Variants in NUP210 observed in about 807,000 individuals in gnomAD.
NUP210 encodes nuclear pore membrane glycoprotein 210.
A neutral mutation model predicts 196.0 loss-of-function variants in NUP210; 151 were observed. The ratio of observed to expected loss-of-function variants is 0.77; its 90% CI spans 0.67 to 0.88. The LOEUF is 0.88. NUP210 is among the 40% of genes least tolerant of loss of function. The pLI is 0.00. For synonymous variants in NUP210, 1,070 were observed against 1,052.7 expected (o/e 1.02, Z -0.32); for missense variants, 2,314 against 2,493.7 (o/e 0.93, Z 1.53).
At chr3:13,372,096 G>A (rs954407507) in intron 12 of NUP210, 64 bp from the exon 13 acceptor site, 25 of 1,412,870 alleles carry the variant, frequency 1.8e-5, no homozygotes, top group East Asian at 2.5e-5. Flanking sequence ...CCTGTTGCTC[G>A]GATATCCTAA....
At chr3:13,405,437 T>C (rs1699973970) in intron 1 of NUP210, among the ~76,000 whole-genome samples, 1 of 152,178 alleles carries the variant, frequency 6.6e-6, no homozygotes. Flanking sequence ...TTAGGACTTG[T>C]CAGCCTCTAT....
In NUP210 at chr3:13,379,619, G is replaced by A. The variant is rs761761810; in HGVS notation, c.920C>T (p.Thr307Met). 18 of 1,613,984 alleles carry A rather than the reference G, an allele frequency of 1.1e-5. No individual in the cohort carries two copies. In the African/African-American group the frequency reaches 1.7e-4, roughly 16 times the overall value. Residue 307 changes from threonine to methionine, a missense_variant, in exon 7 of 40, where the codon ACG becomes ATG. By Grantham distance (81) the Thr-to-Met change is moderately conservative (BLOSUM62 -1). Transcript: ENST00000254508. The surrounding 1 kb of genome is among the most constrained non-coding windows in gnomAD (Gnocchi z 4.2). Reference protein sequence around the residue: ...ARPVAVLAQDTSMVTALQLGQ... With the variant: ...ARPVAVLAQDMSMVTALQLGQ... ...CAGCTGCAGTGCAGTGACCATCGAC[G>A]TGTCCTGGGCCAAGACAGCCACCGG...
At chr3:13,367,411 G>C (rs1460638430) in intron 13 of NUP210, among the ~76,000 whole-genome samples, 1 of 152,184 alleles carries the variant, frequency 6.6e-6, no homozygotes, top group Non-Finnish European at 1.5e-5. Context: ...CTCCCACGTA[G>C]GCAACGAGGG....
chr3:13,319,243 C>G lies in NUP210; in HGVS notation c.5466G>C (p.Ala1822=), dbSNP rs777613080. 1.9e-6 allele frequency: 3 copies of G among 1,613,134 alleles called. No homozygotes were observed. Among genetic ancestry groups the G allele is most frequent in the South Asian group, 1.1e-5 (1 of 90,786 alleles). The change falls in exon 38 of 40, where the codon GCG becomes GCC. Residue 1822 remains alanine, a synonymous_variant. Coordinates refer to ENST00000254508, the MANE Select transcript of NUP210 (RefSeq NM_024923.4). ...FTLFALLAGT[A]VMIIAYHTVC... is the part of the protein sequence containing the mutation. ...CAGCCTCCTCACCTATGATCATGAC[C>G]GCTGTCCCAGCCAACAGGGCGAAGA... is the stretch of plus-strand genomic sequence containing the variant.
intron 15 of NUP210, among the ~76,000 whole-genome samples, chr3:13,359,234 C>G (rs1392513173): frequency 6.6e-6 from 1 of 152,160 alleles, no homozygotes; most frequent in Non-Finnish European, 1.5e-5. Context: ...AGAGGTAACC[C>G]CAATTGGAGG....
intron 27 of NUP210, among the ~76,000 whole-genome samples, chr3:13,335,912 C>T (rs1482983868): frequency 6.6e-6 from 1 of 152,240 alleles, no homozygotes; most frequent in Non-Finnish European, 1.5e-5. Context: ...GACAGGATGT[C>T]CCTCAGACTT....
chr3:13,386,516 A>G, intron 5 of NUP210, 109 bp from the exon 6 acceptor site: 1 of 1,367,222 alleles, frequency 7.3e-7, no homozygotes. Context: ...GGAAGTTAAG[A>G]GGAAAGAAAC....
chr3:13,335,111 G>A (rs1026598542), intron 28 of NUP210, among the ~76,000 whole-genome samples: 3 of 152,222 alleles, frequency 2.0e-5, no homozygotes, highest in Non-Finnish European at 2.9e-5. Context: ...AAACACAAAC[G>A]ATTAAATTAT....
intron 30 of NUP210, 82 bp downstream of exon 30, chr3:13,330,378 T>C: frequency 2.3e-6 from 3 of 1,299,054 alleles, no homozygotes; most frequent in South Asian, 2.8e-5. Flanking sequence ...AAGGTGAACG[T>C]ATTCACTTTT....
intron 1 of NUP210, among the ~76,000 whole-genome samples, chr3:13,408,704 C>T (rs532744388): frequency 6.8e-4 from 102 of 149,022 alleles, no homozygotes; most frequent in African/African-American, 2.5e-3. Context: ...AGGAGAATCG[C>T]TTGAACTCAG....
chr3:13,356,755 C>T (rs548477605), intron 16 of NUP210, among the ~76,000 whole-genome samples: 1 of 152,346 alleles, frequency 6.6e-6, no homozygotes, highest in East Asian at 1.9e-4. Context: ...ACAGCTACTC[C>T]GTGTTTGAGG....
At position 13,379,223 on chromosome 3, in the gene NUP210, A is replaced by G. The variant is rs770471506; in HGVS notation, c.977-243T>C. On this transcript the variant is annotated intron_variant, in intron 7 of 39. Coordinates refer to ENST00000254508, the MANE Select transcript of NUP210 (RefSeq NM_024923.4). The surrounding 1 kb of genome is among the most constrained non-coding windows in gnomAD (Gnocchi z 4.2). ...GGACACTGGAGACCGCACAGGACAC[A>G]ACAACAAGTCTGGGGCATCAACACT... 6.6e-6 allele frequency among the ~76,000 whole-genome samples: 1 copy of G among 152,194 alleles called. No homozygotes were observed. The highest frequency in any genetic ancestry group is 2.4e-5 in the African/African-American group (1 of 41,458).
At position 13,397,395 on chromosome 3, in the gene NUP210, G is replaced by T. The variant is rs756427105; in HGVS notation, c.398C>A (p.Ser133Tyr). The change falls in exon 3 of 40, where the codon TCC (serine) becomes TAC (tyrosine). Residue 133 changes from serine to tyrosine, a missense_variant. By Grantham distance (144) the Ser-to-Tyr change is moderately radical. Coordinates refer to ENST00000254508, the MANE Select transcript of NUP210 (RefSeq NM_024923.4). ...STTRELYLED[S>Y]PLELKIQALD... is the part of the protein sequence containing the mutation. ...GGCCTGGATCTTCAGCTCCAGGGGG[G>T]AGTCCTCCAGGTAGAGCTCGCGGGT... The T allele has an allele frequency of 2.5e-6, 4 of 1,612,018 alleles. No individual in the cohort carries two copies. The highest frequency in any genetic ancestry group is 3.4e-6 in the Non-Finnish European group (4 of 1,179,332).
chr3:13,373,764 A>C lies in NUP210; in HGVS notation c.1541T>G (p.Ile514Ser). 1 of 1,614,136 alleles carries C rather than the reference A, an allele frequency of 6.2e-7. No homozygotes were observed. Among genetic ancestry groups the C allele is most frequent in the Non-Finnish European group, 8.5e-7 (1 of 1,180,006 alleles). Residue 514 changes from isoleucine to serine, a missense_variant, in exon 12 of 40, where the codon ATC becomes AGC. By Grantham distance (142) the Ile-to-Ser change is moderately radical. Transcript: ENST00000254508. ...TTGSDIGFSVIQAHDVQNPLH... is the reference protein window; with the variant it reads ...TTGSDIGFSVSQAHDVQNPLH... ...TGGGTTCTGCACATCATGTGCCTGGATCACACTGAACCCGATGTCACTGCC... is the reference window on the plus strand; with the variant it reads ...TGGGTTCTGCACATCATGTGCCTGGCTCACACTGAACCCGATGTCACTGCC...
At chr3:13,363,364 G>T (rs1396909757) in intron 14 of NUP210, among the ~76,000 whole-genome samples, 1 of 152,198 alleles carries the variant, frequency 6.6e-6, no homozygotes, top group African/African-American at 2.4e-5. Context: ...GGCAAAGCAG[G>T]CCACTGTGTA....
intron 18 of NUP210, 123 bp downstream of exon 18, chr3:13,353,431 T>G (rs1576374770): frequency 7.9e-6 from 6 of 759,276 alleles, no homozygotes; most frequent in African/African-American, 1.7e-5. Context: ...GAGGCTGGGG[T>G]GGGGGAGTGG....
intron 14 of NUP210, 48 bp downstream of exon 14, chr3:13,365,898 G>C: frequency 2.5e-6 from 4 of 1,602,136 alleles, no homozygotes; most frequent in Non-Finnish European, 3.4e-6. Context: ...ATTTGCATCT[G>C]GGAAGGAGTG....
chr3:13,411,554 C>G (rs1700174304), intron 1 of NUP210, among the ~76,000 whole-genome samples: 1 of 152,042 alleles, frequency 6.6e-6, no homozygotes, highest in South Asian at 2.1e-4. Context: ...TCCATCCCCC[C>G]TGTCACCACC....
intron 16 of NUP210, 40 bp from the exon 17 acceptor site, chr3:13,354,147 G>C: frequency 5.9e-6 from 9 of 1,527,664 alleles, no homozygotes; most frequent in Non-Finnish European, 8.0e-6. Context: ...TCACCCCCAG[G>C]ACTGGACCTG....
Sources: gnomAD v4.1 joint callset for allele counts (sites outside exome capture counted in the v4.1 genomes callset) on GRCh38, gnomAD v4.1.1 for gene constraint, Gnocchi (gnomAD v3.1) non-coding constraint, MANE v1.5 for transcripts, NCBI Gene and HGNC (gene_info 2026-07-23, HGNC 2026-07-21) for gene names.